The following CSF1R variants were observed in gnomAD, a reference collection of about 807,000 sequenced individuals.
CSF1R encodes macrophage colony-stimulating factor 1 receptor.
CSF1R carries 40 observed loss-of-function variants against 110.0 expected under a neutral mutation model. The ratio of observed to expected loss-of-function variants is 0.36; its 90% CI spans 0.28 to 0.47. CSF1R has a LOEUF of 0.47. CSF1R is among the 20% of genes least tolerant of loss of function. CSF1R has a pLI of 0.99. For missense variants in CSF1R, 1,052 were observed against 1,253.0 expected, an observed-to-expected ratio of 0.84 and a Z score of 2.42; for synonymous variants, 523 against 503.4, an observed-to-expected ratio of 1.04 and a Z score of -0.52.
intron 6 of CSF1R, 93 bp from the exon 7 acceptor site, chr5:150,070,664 T>C (rs2113810471): frequency 1.1e-6 from 1 of 889,854 alleles, no homozygotes; most frequent in Non-Finnish European, 1.6e-6. Flanking sequence ...AGGGGTTTAT[T>C]TTATTTTTGG....
At chr5:150,063,491 C>T (rs146194127) in intron 10 of CSF1R, among the ~76,000 whole-genome samples, 105 of 152,112 alleles carry the variant, frequency 6.9e-4, no homozygotes, top group African/African-American at 2.5e-3. Flanking sequence ...GGATTATAGG[C>T]GTGAGCCATC....
In CSF1R at chr5:150,062,001, C is replaced by G; in HGVS notation, c.1627-152G>C. On this transcript the variant is annotated intron_variant, in intron 10 of 20. Coordinates refer to ENST00000675795, the MANE Select transcript of CSF1R (RefSeq NM_001288705.3). ...CCTGCTCTGGGCTGAGAGAGGTCGT[C>G]TCATGAACATAGCACTGAGAGCATG... 7.9e-6 allele frequency: 8 copies of G among 1,017,584 alleles called. No individual in the cohort carries two copies. The South Asian group carries it at 1.2e-4, about 15-fold the overall frequency. 63.0% of individuals were successfully genotyped at this position (1,017,584 alleles called of 1,614,324 possible).
Position 150,080,250 on chromosome 5 carries a change from G to A in CSF1R, c.394C>T (p.Pro132Ser). The A allele has an allele frequency of 1.2e-6, 2 of 1,613,976 alleles. No individual in the cohort carries two copies. The highest frequency in any genetic ancestry group is 1.7e-6 in the Non-Finnish European group (2 of 1,180,036). The change falls in exon 3 of 21, where the codon CCG (proline) becomes TCG (serine). Residue 132 changes from proline to serine, a missense_variant. Pro to Ser is a moderately conservative substitution (Grantham distance 74). Coordinates refer to ENST00000675795, the MANE Select transcript of CSF1R (RefSeq NM_001288705.3). ...DALLPCLLTD[P>S]VLEAGVSLVR... ...AGCGAGACGCCTGCTTCCAGCACCG[G>A]GTCTGTGAGCAGACAGGGCAGTAGT...
chr5:150,065,152 C>G (rs574774345), intron 10 of CSF1R, among the ~76,000 whole-genome samples: 1 of 152,322 alleles, frequency 6.6e-6, no homozygotes, highest in African/African-American at 2.4e-5. Context: ...TCCCTTCCTC[C>G]CATCCTCCCC....
intron 14 of CSF1R, among the ~76,000 whole-genome samples, chr5:150,058,741 C>A (rs1460305577): frequency 6.6e-6 from 1 of 151,776 alleles, no homozygotes; most frequent in East Asian, 1.9e-4. Context: ...TCTCTTTTGC[C>A]TCCCCAGGCG....
Position 150,082,205 on chromosome 5 carries a change from T to A in CSF1R, c.50-1181A>T, listed in dbSNP as rs568732446. Among the ~76,000 whole-genome samples the A allele has an allele frequency of 2.0e-3, 300 of 152,342 alleles. 1 individual carries two copies. The highest frequency in any genetic ancestry group is 5.5e-3 in the African/African-American group (227 of 41,584). ...CATCCAACTCCTCAGCTCTGGCCCTTCCTCTTCCCAGTGATGGGGGCACAA... is the reference window on the plus strand; with the variant it reads ...CATCCAACTCCTCAGCTCTGGCCCTACCTCTTCCCAGTGATGGGGGCACAA... On this transcript the variant is annotated intron_variant, in intron 1 of 20. Coordinates refer to ENST00000675795, the MANE Select transcript of CSF1R (RefSeq NM_001288705.3).
intron 14 of CSF1R, among the ~76,000 whole-genome samples, chr5:150,059,280 G>A (rs1403117275): frequency 6.6e-6 from 1 of 152,172 alleles, no homozygotes. Flanking sequence ...CCATCCTCAG[G>A]TGATCTGCCC....
At position 150,077,147 on chromosome 5, in the gene CSF1R, G is replaced by A. The variant is rs553688492; in HGVS notation, c.889+129C>T. The A allele has an allele frequency of 2.0e-5, 25 of 1,259,026 alleles. No individual in the cohort carries two copies. In the East Asian group the frequency reaches 5.1e-4, roughly 26 times the overall value. 78.0% of individuals were successfully genotyped at this position (1,259,026 alleles called of 1,614,324 possible). ...AGAGTGGCTCCTTAGCCAGGCCTTG[G>A]ATAAACAAACTCCAGCAGAGATATC... On this transcript the variant is annotated intron_variant, in intron 5 of 20. Transcript: ENST00000675795.
intron 10 of CSF1R, among the ~76,000 whole-genome samples, chr5:150,063,120 C>G (rs1757605547): frequency 6.6e-6 from 1 of 152,022 alleles, no homozygotes. Context: ...GAGGTTCAAG[C>G]AATCCTCCCA....
upstream of CSF1R, among the ~76,000 whole-genome samples, chr5:150,087,587 G>A (rs1581335231): frequency 6.6e-6 from 1 of 152,174 alleles, no homozygotes; most frequent in African/African-American, 2.4e-5. Context: ...TTTTTACAAA[G>A]AATCTAATTG....
At chr5:150,059,339 C>G (rs186512718) in intron 14 of CSF1R, among the ~76,000 whole-genome samples, 1 of 152,230 alleles carries the variant, frequency 6.6e-6, no homozygotes, top group Non-Finnish European at 1.5e-5. Flanking sequence ...CCACTGCACC[C>G]GGCCACATCT....
rs537011691 is a variant in CSF1R at position 150,054,182 on chromosome 5, C to T, written c.2806G>A (p.Gly936Ser). 76 of 1,612,396 alleles carry T rather than the reference C, an allele frequency of 4.7e-5. No homozygotes were observed. The East Asian group carries it at 1.1e-3, about 22-fold the overall frequency. Residue 936 changes from glycine (G) to serine (S), a missense_variant, in exon 21 of 21, where the codon GGC becomes AGC. This residue lies in a region of CSF1R where 85 missense variants were observed against 78.8 expected (regional missense o/e 1.08). Coordinates refer to ENST00000675795, the MANE Select transcript of CSF1R (RefSeq NM_001288705.3). ...TCCTCCAGCTCACTGCTGCTGCTGC[C>T]GCTGCCACCGCTTCTGCTGCTGCTC... ...LPSSSRSGGS[G>S]SSSSELEEES...
intron 1 of CSF1R, among the ~76,000 whole-genome samples, chr5:150,105,448 T>G (rs1759528361): frequency 6.7e-6 from 1 of 148,406 alleles, no homozygotes; most frequent in Admixed American, 6.8e-5. Context: ...ACTCCTGACC[T>G]CAAGTGATCT....
At chr5:150,086,334 C>A in intron 1 of CSF1R, 45 bp downstream of exon 1, 1 of 1,559,020 alleles carries the variant, frequency 6.4e-7, no homozygotes, top group South Asian at 1.2e-5. Flanking sequence ...GGGGTCTTCT[C>A]CATCACACCC....
At chr5:150,064,922 T>A (rs1757692627) in intron 10 of CSF1R, among the ~76,000 whole-genome samples, 1 of 152,182 alleles carries the variant, frequency 6.6e-6, no homozygotes, top group African/African-American at 2.4e-5. Flanking sequence ...CTCATGGGCG[T>A]CTACCCAGAG....
At chr5:150,061,684 T>C in intron 11 of CSF1R, 39 bp downstream of exon 11, 1 of 1,614,140 alleles carries the variant, frequency 6.2e-7, no homozygotes, top group Non-Finnish European at 8.5e-7. Flanking sequence ...CCACAGGCCC[T>C]GTGATAGGAA....
At chr5:150,094,814 T>A (rs1759165646) in intron 1 of CSF1R, 1 of 1,394,612 alleles carries the variant, frequency 7.2e-7, no homozygotes, top group African/African-American at 1.4e-5. Context: ...CTTTGACAGA[T>A]AACGCTTTGA....
At chr5:150,096,967 CA>C (rs1165890274) in intron 1 of CSF1R, among the ~76,000 whole-genome samples, 1 of 151,980 alleles carries the variant, frequency 6.6e-6, no homozygotes, top group African/African-American at 2.4e-5. Context: ...TGTAGTAAGG[CA>C]AAAAAAGAAA....
intron 1 of CSF1R, among the ~76,000 whole-genome samples, chr5:150,085,493 G>T (rs1465134523): frequency 6.6e-6 from 1 of 151,986 alleles, no homozygotes; most frequent in Non-Finnish European, 1.5e-5. Flanking sequence ...AAATGTGTTT[G>T]TTGGGCCAAC....
Sources: gnomAD v4.1 joint callset for allele counts (sites outside exome capture counted in the v4.1 genomes callset) on GRCh38, gnomAD v4.1.1 for gene constraint, gnomAD v4.1.1 regional missense constraint, MANE v1.5 for transcripts, NCBI Gene and HGNC (gene_info 2026-07-23, HGNC 2026-07-21) for gene names.